Variants in CORO2B observed in about 807,000 individuals in gnomAD.
The protein encoded by CORO2B is coronin 2B, also known as coronin-2B.
Under a neutral mutation model 58.8 loss-of-function variants are expected in CORO2B, and 26 were observed. That is an observed-to-expected ratio of 0.44 (90% confidence interval 0.32 to 0.61). CORO2B has a LOEUF of 0.61. Ranked by LOEUF, CORO2B falls within the 20% of genes least tolerant of loss-of-function variation. The pLI, the probability that CORO2B is intolerant of heterozygous loss-of-function variation, is 0.04. For synonymous variants in CORO2B, 242 were observed against 253.8 expected, an observed-to-expected ratio of 0.95 and a Z score of 0.44; for missense variants, 460 against 645.1, an observed-to-expected ratio of 0.71 and a Z score of 3.11.
intron 2 of CORO2B, among the ~76,000 whole-genome samples, chr15:68,660,689 C>G (rs62002150): frequency 1.3e-4 from 20 of 152,080 alleles, no homozygotes; most frequent in Middle Eastern, 3.2e-3. Flanking sequence ...TATTTTGAAC[C>G]CTTCACTCCT....
intron 2 of CORO2B, among the ~76,000 whole-genome samples, chr15:68,648,488 T>C (rs777835618): frequency 4.7e-4 from 71 of 149,982 alleles, no homozygotes; most frequent in Non-Finnish European, 9.6e-4. Context: ...CTACTAAAAA[T>C]ACAAAAACAA....
chr15:68,655,695 A>T (rs978461994), intron 2 of CORO2B, among the ~76,000 whole-genome samples: 5 of 152,204 alleles, frequency 3.3e-5, no homozygotes, highest in Non-Finnish European at 7.3e-5. Context: ...GTGAGATTTA[A>T]GGAGACCAAA....
chr15:68,719,127 T>C lies in CORO2B; in HGVS notation c.1081-17T>C, dbSNP rs900394891. 1.2e-6 allele frequency: 2 copies of C among 1,604,720 alleles called. No individual in the cohort carries two copies. The highest frequency in any genetic ancestry group is 1.7e-6 in the Non-Finnish European group (2 of 1,171,506). On this transcript the variant is annotated splice_polypyrimidine_tract_variant and intron_variant, in intron 9 of 11. Coordinates refer to ENST00000261861, the MANE Select transcript of CORO2B (RefSeq NM_006091.5). ...GCAGCCCCCCATGTGTCCTCTCTTC[T>C]GCTCCTCCCACTGTAGTCAGATTCC...
the CORO2B span, among the ~76,000 whole-genome samples, chr15:68,532,093 A>G: frequency 3.9e-5 from 6 of 151,916 alleles, no homozygotes; most frequent in African/African-American, 1.5e-4. Context: ...TAAAAGTTTC[A>G]TTACTAATTT....
rs368298490 is a variant in CORO2B at position 68,649,455 on chromosome 15, G to T, written c.216+4095G>T. 2.0e-4 allele frequency among the ~76,000 whole-genome samples: 30 copies of T among 152,228 alleles called. No individual in the cohort carries two copies. In the South Asian group the frequency reaches 5.8e-3, roughly 29 times the overall value. On this transcript the variant is annotated intron_variant, in intron 2 of 11. Transcript: ENST00000261861. ...GCAGGTCCATCATTAAGGAAATGGG[G>T]TAAACAAATTAGGGAAGAGCCACAC...
chr15:68,593,417 G>A (rs1049127651), intron 1 of CORO2B, among the ~76,000 whole-genome samples: 5 of 152,176 alleles, frequency 3.3e-5, no homozygotes, highest in South Asian at 2.1e-4. Context: ...TGAGAGGTGG[G>A]ATCCAGGCAG....
At chr15:68,616,755 T>C (rs1022162164) in intron 1 of CORO2B, 5 of 332,666 alleles carry the variant, frequency 1.5e-5, no homozygotes, top group Admixed American at 6.5e-5. Context: ...CGTGGTCTCA[T>C]GGGGGAGACA....
chr15:68,702,827 T>TTC (rs1892687196), intron 3 of CORO2B, among the ~76,000 whole-genome samples: 1 of 138,346 alleles, frequency 7.2e-6, no homozygotes, highest in Admixed American at 7.1e-5. Context: ...TTTTCTTTTT[T>TTC]TTTTTTTTTT....
chr15:68,522,369 C>G, the CORO2B span, among the ~76,000 whole-genome samples: 5 of 152,224 alleles, frequency 3.3e-5, no homozygotes, highest in African/African-American at 1.2e-4. Flanking sequence ...TCATATATCT[C>G]TTATATGCTC....
rs778065378 is a variant in CORO2B at position 68,710,900 on chromosome 15, G to C, written c.483+19G>C. ...CTACAAGGTATGCAGTGGGCAGGCA[G>C]CTGGGTGGAGAGGGATTGGGGAAGA... On this transcript the variant is annotated intron_variant, in intron 4 of 11. Coordinates refer to ENST00000261861, the MANE Select transcript of CORO2B (RefSeq NM_006091.5). This position sits in a 1 kb window ranked among gnomAD's most constrained non-coding sequence, Gnocchi z 4.1. 6.3e-7 allele frequency: 1 copy of C among 1,579,780 alleles called. No individual in the cohort carries two copies. The highest frequency in any genetic ancestry group is 2.3e-5 in the East Asian group (1 of 43,840).
chr15:68,631,835 C>CTG (rs1285897256), intron 1 of CORO2B, among the ~76,000 whole-genome samples: 1 of 152,220 alleles, frequency 6.6e-6, no homozygotes, highest in Admixed American at 6.5e-5. Context: ...GTGCTGACAC[C>CTG]TGCACAAAGA....
the CORO2B span, among the ~76,000 whole-genome samples, chr15:68,527,277 C>A: frequency 6.6e-6 from 1 of 152,164 alleles, no homozygotes; most frequent in Non-Finnish European, 1.5e-5. Context: ...TTGCTTACCC[C>A]AAAGTTGAAA....
the CORO2B span, among the ~76,000 whole-genome samples, chr15:68,535,222 G>T: frequency 6.6e-6 from 1 of 152,182 alleles, no homozygotes; most frequent in African/African-American, 2.4e-5. Flanking sequence ...TGATCCCAAA[G>T]GTAGAGGCCT....
At chr15:68,685,503 T>C (rs988124930) in intron 2 of CORO2B, among the ~76,000 whole-genome samples, 5 of 152,252 alleles carry the variant, frequency 3.3e-5, no homozygotes, top group African/African-American at 1.2e-4. Context: ...TGAGCCACCG[T>C]GCCCAGCTGA....
intron 1 of CORO2B, among the ~76,000 whole-genome samples, chr15:68,620,776 C>T (rs948269213): frequency 1.1e-4 from 17 of 152,214 alleles, no homozygotes; most frequent in African/African-American, 2.4e-5. Context: ...CTCAGCCACT[C>T]ACTCAGCCAG....
chr15:68,701,820 C>G (rs1021449760), intron 3 of CORO2B, among the ~76,000 whole-genome samples: 1 of 152,110 alleles, frequency 6.6e-6, no homozygotes, highest in Non-Finnish European at 1.5e-5. Context: ...ACCAGTTGCC[C>G]TATTGTAAAA....
intron 1 of CORO2B, among the ~76,000 whole-genome samples, chr15:68,643,158 G>A (rs1187657162): frequency 6.6e-6 from 1 of 152,216 alleles, no homozygotes; most frequent in Non-Finnish European, 1.5e-5. Flanking sequence ...ACACATGACT[G>A]GCTAAAATTA....
the CORO2B span, among the ~76,000 whole-genome samples, chr15:68,552,163 A>G: frequency 6.6e-6 from 1 of 152,226 alleles, no homozygotes; most frequent in African/African-American, 2.4e-5. Flanking sequence ...CCCTGGAACC[A>G]GGTCTCCTGA....
At chr15:68,647,763 T>G (rs1901488230) in intron 2 of CORO2B, among the ~76,000 whole-genome samples, 1 of 150,492 alleles carries the variant, frequency 6.6e-6, no homozygotes, top group Admixed American at 6.6e-5. Context: ...ATCCCAACAC[T>G]TTGGGAGGCC....
Sources: allele counts gnomAD v4.1 joint callset (sites outside exome capture counted in the v4.1 genomes callset), GRCh38; gene constraint gnomAD v4.1.1; non-coding constraint Gnocchi (gnomAD v3.1); transcripts MANE v1.5; gene names NCBI Gene and HGNC (gene_info 2026-07-23, HGNC 2026-07-21).